Variants in EPHA10 observed in about 807,000 individuals in gnomAD.
EPHA10 encodes the protein ephrin type-A receptor 10.
In EPHA10, 120 loss-of-function variants were observed where a neutral mutation model predicts 109.7. The observed-to-expected ratio is 1.09, with a 90% CI of 0.94 to 1.27. The LOEUF (loss-of-function observed/expected upper bound fraction) is 1.27. Among genes scored for constraint, EPHA10 ranks in the 50% most tolerant of loss-of-function variants. The pLI is 0.00. For synonymous variants in EPHA10, 640 were observed against 618.9 expected (o/e 1.03, Z -0.51); for missense variants, 1,396 against 1,411.1 (o/e 0.99, Z 0.17).
chr1:37,722,860 G>A (rs1257226475), intron 10 of EPHA10, 181 bp downstream of exon 10: 2 of 885,228 alleles, frequency 2.3e-6, no homozygotes, highest in Non-Finnish European at 3.6e-6. Context: ...CCTATAATCA[G>A]GCAAGCCAGG....
rs376467656 is a variant in EPHA10, at chr1:37,761,867, A to C, written c.388T>G (p.Tyr130Asp). 1.9e-6 allele frequency: 3 copies of C among 1,612,474 alleles called. No individual in the cohort carries two copies. The African/African-American group carries it at 4.0e-5, about 21-fold the overall frequency. ...GTCKETFNVY[Y>D]LETEADLGRG... The stretch of plus-strand genomic sequence containing the variant: ...CCCAGGTCGGCCTCAGTTTCCAGGT[A>C]GTAGACGTTGAAGGTCTCCTTGCAG... The change falls in exon 3 of 17, where the codon TAC becomes GAC. Residue 130 changes from tyrosine to aspartate, a missense_variant. Coordinates refer to ENST00000373048, the MANE Select transcript of EPHA10 (RefSeq NM_001099439.2).
At chr1:37,760,137 C>A in intron 3 of EPHA10, 1 of 312,654 alleles carries the variant, frequency 3.2e-6, no homozygotes, top group Non-Finnish European at 4.8e-6. Context: ...CTCTGTGTAT[C>A]CCTCTGTTAT....
At position 37,745,711 on chromosome 1, in the gene EPHA10, G is replaced by A. The variant is rs557719009; in HGVS notation, c.1357+7165C>T. On this transcript the variant is annotated intron_variant, in intron 5 of 16. Transcript: ENST00000373048. ...TAAAAAATACAAATATTAGCCAGGC[G>A]TGGTGGCACGCACCTATAATCCCAG... 4.4e-4 allele frequency among the ~76,000 whole-genome samples: 67 copies of A among 152,260 alleles called. 1 individual carries two copies. The highest frequency in any genetic ancestry group is 2.6e-3 in the Admixed American group (40 of 15,290).
rs2148373289 is a variant in EPHA10, at chr1:37,764,973, T to C, written c.94A>G (p.Thr32Ala). Residue 32 changes from threonine to alanine, a missense_variant, in exon 1 of 17, where the codon ACC (threonine) becomes GCC (alanine). By Grantham distance (58) the Thr-to-Ala change is moderately conservative. Coordinates refer to ENST00000373048, the MANE Select transcript of EPHA10 (RefSeq NM_001099439.2). The surrounding 1 kb of genome is among the most constrained non-coding windows in gnomAD (Gnocchi z 5.8). ...CCAGTCTTCTCACCTTCCTCGGCGG[T>C]CCCAGGCCGCCAGGGTCCCAAAAGC... Reference protein sequence around the residue: ...ALLLGPWRPGTAEEVILLDSK... With the variant: ...ALLLGPWRPGAAEEVILLDSK... 1 of 1,607,962 alleles carries C rather than the reference T, an allele frequency of 6.2e-7. No individual in the cohort carries two copies.
At chr1:37,738,755 A>G (rs952929365) in intron 5 of EPHA10, among the ~76,000 whole-genome samples, 1 of 152,208 alleles carries the variant, frequency 6.6e-6, no homozygotes, top group African/African-American at 2.4e-5. Context: ...AGCAACCTAA[A>G]TGTCCATAAG....
chr1:37,753,055 C>G lies in EPHA10; in HGVS notation c.1178G>C (p.Gly393Ala). The G allele has an allele frequency of 8.0e-7, 1 of 1,256,092 alleles. No homozygotes were observed. The highest frequency in any genetic ancestry group is 2.6e-5 in the South Asian group (1 of 38,736). 77.8% of individuals were successfully genotyped at this position (1,256,092 alleles called of 1,614,324 possible). The change falls in exon 5 of 17, where the codon GGG (glycine) becomes GCG (alanine). Residue 393 changes from glycine (G) to alanine (A), a missense_variant. Physicochemically the swap from Gly to Ala is moderately conservative, Grantham distance 60. Coordinates refer to ENST00000373048, the MANE Select transcript of EPHA10 (RefSeq NM_001099439.2). ...GCGCGGTAGGAAGGCCACGCGCGGC[C>G]CGCACGGCTCGCAGGCGCCCGCCGG... The part of the protein sequence containing the change: ...EGPAGACEPC[G>A]PRVAFLPRQA...
At chr1:37,763,029 A>G (rs994318531) in intron 1 of EPHA10, among the ~76,000 whole-genome samples, 180 bp from the exon 2 acceptor site, 1 of 152,206 alleles carries the variant, frequency 6.6e-6, no homozygotes, top group Non-Finnish European at 1.5e-5. Flanking sequence ...TCAAATCCAG[A>G]GAGAGGTAGC....
At chr1:37,747,852 T>C (rs370567919) in intron 5 of EPHA10, among the ~76,000 whole-genome samples, 12 of 152,222 alleles carry the variant, frequency 7.9e-5, no homozygotes, top group African/African-American at 2.6e-4. Context: ...TGATTCTGTG[T>C]CATAACCAGT....
chr1:37,733,233 T>C (rs1318903330), intron 6 of EPHA10, among the ~76,000 whole-genome samples: 1 of 151,566 alleles, frequency 6.6e-6, no homozygotes, highest in Admixed American at 6.6e-5. Flanking sequence ...TTTTGGTGGG[T>C]TTTTTTGAGA....
intron 6 of EPHA10, among the ~76,000 whole-genome samples, chr1:37,731,983 T>G (rs1645990976): frequency 6.6e-6 from 1 of 152,158 alleles, no homozygotes; most frequent in African/African-American, 2.4e-5. Context: ...CCCTGACACA[T>G]GAAAGCCCCC....
chr1:37,721,707 T>A lies in EPHA10; in HGVS notation c.2099A>T (p.Gln700Leu). ...GFLAEALTLGQFDHSHIVRLE... is the reference protein window; with the variant it reads ...GFLAEALTLGLFDHSHIVRLE... ...CCGCACGATGTGGCTATGGTCAAACTGGCCCAGCGTGAGGGCCTCGGCCAG... is the reference window on the plus strand; with the variant it reads ...CCGCACGATGTGGCTATGGTCAAACAGGCCCAGCGTGAGGGCCTCGGCCAG... The change falls in exon 11 of 17, where the codon CAG (glutamine) becomes CTG (leucine). Residue 700 changes from glutamine (Q) to leucine (L), a missense_variant. Transcript: ENST00000373048. The A allele has an allele frequency of 6.2e-7, 1 of 1,612,178 alleles. No homozygotes were observed. Among genetic ancestry groups the A allele is most frequent in the Non-Finnish European group, 8.5e-7 (1 of 1,179,782 alleles).
intron 11 of EPHA10, 131 bp downstream of exon 11, chr1:37,721,529 C>A: frequency 1.0e-6 from 1 of 955,486 alleles, no homozygotes; most frequent in Non-Finnish European, 1.5e-6. Context: ...AAGCTGAGGT[C>A]CCTGGCTGAA....
chr1:37,735,163 C>G (rs1569691135), intron 6 of EPHA10, 94 bp downstream of exon 6: 1 of 1,491,168 alleles, frequency 6.7e-7, no homozygotes, highest in East Asian at 2.5e-5. Context: ...AAGGGAGTAA[C>G]GAGGGCTTTT....
rs1169363529 is a variant in EPHA10, at chr1:37,752,933, G to A, written c.1300C>T (p.Pro434Ser). 1.5e-6 allele frequency: 2 copies of A among 1,309,436 alleles called. No individual in the cohort carries two copies. The highest frequency in any genetic ancestry group is 3.1e-5 in the African/African-American group (2 of 64,564). The allele number at this position is 1,309,436 out of a possible 1,614,324, so 81.1% of individuals were successfully genotyped here. A position where few individuals can be genotyped will look rare whatever the true frequency, so the allele number is the denominator to read the frequency against. Reference protein sequence around the residue: ...RVAALNGVSGPAAAAGTTYAQ... With the variant: ...RVAALNGVSGSAAAAGTTYAQ... ...TAGGTGGTTCCCGCGGCGGCCGCCG[G>A]GCCCGAGACGCCGTTGAGCGCGGCC... is the stretch of plus-strand genomic sequence containing the variant. The change falls in exon 5 of 17, where the codon CCG becomes TCG. Residue 434 changes from proline to serine, a missense_variant. Physicochemically the swap from Pro to Ser is moderately conservative, Grantham distance 74 (BLOSUM62 -1). Coordinates refer to ENST00000373048, the MANE Select transcript of EPHA10 (RefSeq NM_001099439.2).
chr1:37,733,781 T>G (rs1449765420), intron 6 of EPHA10, among the ~76,000 whole-genome samples: 1 of 152,046 alleles, frequency 6.6e-6, no homozygotes, highest in African/African-American at 2.4e-5. Context: ...GTCTCTATGC[T>G]GAGAGCCCCC....
chr1:37,749,913 C>G (rs1247695506), intron 5 of EPHA10, among the ~76,000 whole-genome samples: 1 of 152,176 alleles, frequency 6.6e-6, no homozygotes, highest in Non-Finnish European at 1.5e-5. Flanking sequence ...CTACAGGCAA[C>G]TGTAACAGAA....
chr1:37,730,692 A>G (rs942858784), intron 7 of EPHA10, among the ~76,000 whole-genome samples: 1 of 151,714 alleles, frequency 6.6e-6, no homozygotes, highest in Middle Eastern at 3.2e-3. Context: ...TAAGTTACAC[A>G]ATCCTTCTTT....
downstream of EPHA10, chr1:37,715,928 C>T (rs1197260785): frequency 1.7e-6 from 1 of 572,108 alleles, no homozygotes; most frequent in Non-Finnish European, 3.4e-6. Context: ...AGCCCTTCCA[C>T]ACCAGCTATA....
rs1646377993 is a variant in EPHA10 at position 37,754,612 on chromosome 1, C to T, written c.851-242G>A. ...TTACTTTCAGCCGGGCGCGGTGGCT[C>T]ATGCCTGTAATCCCAGCACTTTGGA... is the stretch of plus-strand genomic sequence containing the variant. On this transcript the variant is annotated intron_variant, in intron 3 of 16. Transcript: ENST00000373048. The surrounding 1 kb of genome is among the most constrained non-coding windows in gnomAD (Gnocchi z 4.5). Among the ~76,000 whole-genome samples, 1 of 142,804 alleles carries T rather than the reference C, an allele frequency of 7.0e-6. No homozygotes were observed. Among genetic ancestry groups the T allele is most frequent in the East Asian group, 2.1e-4 (1 of 4,670 alleles). 93.7% of individuals were successfully genotyped at this position (142,804 alleles called of 152,430 possible).
Sources: gnomAD v4.1 joint callset for allele counts (sites outside exome capture counted in the v4.1 genomes callset) on GRCh38, gnomAD v4.1.1 for gene constraint, Gnocchi (gnomAD v3.1) non-coding constraint, MANE v1.5 for transcripts, NCBI Gene and HGNC (gene_info 2026-07-23, HGNC 2026-07-21) for gene names.